GRHL2: variants seen among roughly 807,000 people sequenced by gnomAD.
GRHL2 encodes the protein grainyhead-like protein 2 homolog.
A neutral mutation model predicts 83.8 loss-of-function variants in GRHL2; 21 were observed. The observed-to-expected ratio is 0.25, with a 90% CI of 0.18 to 0.36. The LOEUF is 0.36. GRHL2 is among the 10% of genes least tolerant of loss of function. GRHL2 has a pLI of 1.00. For synonymous variants in GRHL2, 280 were observed against 278.9 expected (o/e 1.00, Z -0.04); for missense variants, 623 against 781.8 (o/e 0.80, Z 2.42).
At chr8:101,504,156 C>A (rs1450607914) in intron 1 of GRHL2, among the ~76,000 whole-genome samples, 3 of 152,150 alleles carry the variant, frequency 2.0e-5, no homozygotes, top group Admixed American at 6.5e-5. Flanking sequence ...ACCCGATCCC[C>A]TGCAGAAATC....
chr8:101,555,076 C>T (rs1016372548), intron 3 of GRHL2, among the ~76,000 whole-genome samples: 1 of 152,162 alleles, frequency 6.6e-6, no homozygotes, highest in Non-Finnish European at 1.5e-5. Flanking sequence ...GACTTGTATT[C>T]TTTCTTTAGA....
chr8:101,645,345 A>C (rs138189602), intron 13 of GRHL2, among the ~76,000 whole-genome samples: 54 of 151,906 alleles, frequency 3.6e-4, no homozygotes, highest in Non-Finnish European at 6.2e-4. Flanking sequence ...GTTGGCCAGG[A>C]TGGTCTCGAT....
At chr8:101,526,073 A>T (rs1810797865) in intron 1 of GRHL2, among the ~76,000 whole-genome samples, 1 of 152,242 alleles carries the variant, frequency 6.6e-6, no homozygotes, top group African/African-American at 2.4e-5. Context: ...TTAGCAGATG[A>T]CTGCTAGATT....
chr8:101,653,798 A>T (rs1484337414), intron 14 of GRHL2, among the ~76,000 whole-genome samples: 2 of 152,116 alleles, frequency 1.3e-5, no homozygotes. Context: ...TGATCTTCAG[A>T]ATCAGATTCT....
chr8:101,680,468 T>A, the GRHL2 span, among the ~76,000 whole-genome samples: 5 of 143,328 alleles, frequency 3.5e-5, no homozygotes, highest in South Asian at 7.0e-4. Flanking sequence ...CTCCCACACA[T>A]TAATAATGGG....
chr8:101,523,477 G>GT (rs11293156), intron 1 of GRHL2, among the ~76,000 whole-genome samples: 1 of 145,598 alleles, frequency 6.9e-6, no homozygotes, highest in African/African-American at 2.5e-5. Flanking sequence ...TCCACTGAAA[G>GT]TTTTTTTTTT....
At chr8:101,654,466 G>C (rs1164826634) in intron 14 of GRHL2, among the ~76,000 whole-genome samples, 1 of 152,168 alleles carries the variant, frequency 6.6e-6, no homozygotes, top group Admixed American at 6.5e-5. Flanking sequence ...TCCCATTGGA[G>C]AACCTGCTGT....
At chr8:101,510,174 T>C (rs1179533243) in intron 1 of GRHL2, among the ~76,000 whole-genome samples, 1 of 152,086 alleles carries the variant, frequency 6.6e-6, no homozygotes, top group Non-Finnish European at 1.5e-5. Context: ...ATTTTGTATT[T>C]TTTGTAGAGA....
At chr8:101,675,780 G>A in the GRHL2 span, among the ~76,000 whole-genome samples, 11 of 148,706 alleles carry the variant, frequency 7.4e-5, no homozygotes, top group South Asian at 2.2e-4. Context: ...GAACAAAGCC[G>A]GAGGCATCAC....
At chr8:101,564,568 G>T (rs1329959041) in intron 4 of GRHL2, among the ~76,000 whole-genome samples, 2 of 152,108 alleles carry the variant, frequency 1.3e-5, no homozygotes, top group Non-Finnish European at 2.9e-5. Context: ...CACTTTGGGA[G>T]GCAGAGGCGG....
At chr8:101,505,884 C>A (rs896458281) in intron 1 of GRHL2, among the ~76,000 whole-genome samples, 11 of 151,986 alleles carry the variant, frequency 7.2e-5, no homozygotes, top group African/African-American at 2.7e-4. Context: ...AATAAAATAC[C>A]CATGTGGTCG....
intron 1 of GRHL2, among the ~76,000 whole-genome samples, chr8:101,509,206 TTCTTGTG>T (rs1215901367): frequency 5.8e-5 from 2 of 34,472 alleles, no homozygotes; most frequent in Non-Finnish European, 1.5e-4. Context: ...TCTTTCTTTC[TTCTTGTG>T]TGTGTGTGTG....
chr8:101,641,592 A>G (rs1813401971), intron 12 of GRHL2, among the ~76,000 whole-genome samples: 1 of 152,180 alleles, frequency 6.6e-6, no homozygotes, highest in African/African-American at 2.4e-5. Flanking sequence ...CACTACCTTT[A>G]TACCTCAGGG....
chr8:101,615,308 C>G (rs900294378), intron 8 of GRHL2, among the ~76,000 whole-genome samples: 3 of 152,178 alleles, frequency 2.0e-5, no homozygotes, highest in Admixed American at 6.5e-5. Flanking sequence ...CACGTCGGCT[C>G]TTAGTTGAGA....
intron 14 of GRHL2, among the ~76,000 whole-genome samples, chr8:101,663,644 A>AT (rs1586181736): frequency 6.6e-6 from 1 of 150,942 alleles, no homozygotes; most frequent in South Asian, 2.1e-4. Flanking sequence ...TAAATAAATA[A>AT]AAATAAAAGT....
chr8:101,538,017 G>A (rs1157434477), intron 1 of GRHL2, among the ~76,000 whole-genome samples: 2 of 152,138 alleles, frequency 1.3e-5, no homozygotes, highest in Non-Finnish European at 2.9e-5. Flanking sequence ...TGTTACATAA[G>A]AAGCCCTGAC....
intron 1 of GRHL2, among the ~76,000 whole-genome samples, chr8:101,502,200 T>G (rs936782942): frequency 1.1e-4 from 17 of 152,242 alleles, no homozygotes; most frequent in African/African-American, 4.1e-4. Context: ...TTCATTATTT[T>G]TCATCTGTAA....
chr8:101,642,394 A>C (rs900414844), intron 12 of GRHL2, among the ~76,000 whole-genome samples: 1 of 152,222 alleles, frequency 6.6e-6, no homozygotes, highest in Admixed American at 6.5e-5. Flanking sequence ...GGTGAAAAAG[A>C]AAGTCACTAG....
chr8:101,512,310 G>A (rs1233974873), intron 1 of GRHL2, among the ~76,000 whole-genome samples: 8 of 151,856 alleles, frequency 5.3e-5, no homozygotes, highest in East Asian at 3.8e-4. Context: ...AAACAAATAC[G>A]TTTTGCTCTA....
Sources: allele counts gnomAD v4.1 joint callset (sites outside exome capture counted in the v4.1 genomes callset), GRCh38; gene constraint gnomAD v4.1.1; transcripts MANE v1.5; gene names NCBI Gene and HGNC (gene_info 2026-07-23, HGNC 2026-07-21).